The following ATP2C1 variants were observed in gnomAD, a reference collection of about 807,000 sequenced individuals.
The protein encoded by ATP2C1 is ATPase secretory pathway Ca2+ transporting 1, also known as calcium-transporting ATPase type 2C member 1.
ATP2C1 carries 31 observed loss-of-function variants against 120.5 expected under a neutral mutation model. The observed-to-expected ratio is 0.26, with a 90% CI of 0.19 to 0.35. The LOEUF is 0.35. Among genes scored for constraint, ATP2C1 ranks in the 10% least tolerant of loss-of-function variants. The pLI is 1.00. For missense variants in ATP2C1, 731 were observed against 1,107.5 expected, an observed-to-expected ratio of 0.66 and a Z score of 4.83; for synonymous variants, 351 against 358.7, an observed-to-expected ratio of 0.98 and a Z score of 0.24.
chr3:131,016,405 A>T (rs942268580), exon 27 of ATP2C1: 10 of 1,511,830 alleles, frequency 6.6e-6, no homozygotes, highest in Non-Finnish European at 9.2e-6. Context: ...CATTTTCTCC[A>T]CATATACTAC....
intron 20 of ATP2C1, among the ~76,000 whole-genome samples, chr3:130,982,087 C>T (rs1404625542): frequency 6.6e-6 from 1 of 152,136 alleles, no homozygotes; most frequent in East Asian, 1.9e-4. Flanking sequence ...TCAGAACTCC[C>T]TGCCTAACCC....
intron 8 of ATP2C1, among the ~76,000 whole-genome samples, chr3:130,951,290 T>C (rs1337347639): frequency 6.6e-6 from 1 of 152,192 alleles, no homozygotes; most frequent in Non-Finnish European, 1.5e-5. Context: ...GTTAAAGTCT[T>C]TCAACACTGG....
intron 17 of ATP2C1, among the ~76,000 whole-genome samples, chr3:130,972,814 A>G (rs1426332239): frequency 6.6e-6 from 1 of 151,880 alleles, no homozygotes; most frequent in African/African-American, 2.4e-5. Context: ...TTATGGCTGC[A>G]TAGTATTCCA....
At chr3:130,916,432 T>TA (rs1160523037) in intron 2 of ATP2C1, among the ~76,000 whole-genome samples, 1 of 151,520 alleles carries the variant, frequency 6.6e-6, no homozygotes, top group Admixed American at 6.6e-5. Context: ...TAAAAATAAA[T>TA]AAAAAAATAA....
In ATP2C1 at chr3:130,914,843, G is replaced by A. The variant is rs1197023096; in HGVS notation, c.7-15573G>A. Among the ~76,000 whole-genome samples, 3 of 152,110 alleles carry A rather than the reference G, an allele frequency of 2.0e-5. No homozygotes were observed. The East Asian group carries it at 5.8e-4, about 29-fold the overall frequency. On this transcript the variant is annotated intron_variant, in intron 2 of 27. Coordinates refer to ENST00000510168, the MANE Select transcript of ATP2C1 (RefSeq NM_001378687.1). The stretch of plus-strand genomic sequence containing the variant: ...ACATACCTTGAACATGAAAACATGG[G>A]GAACATAGATTTCAATAGAAGAAGC...
intron 2 of ATP2C1, among the ~76,000 whole-genome samples, chr3:130,921,770 A>T (rs2058978298): frequency 6.6e-6 from 1 of 152,182 alleles, no homozygotes; most frequent in Non-Finnish European, 1.5e-5. Flanking sequence ...ATGTTGAATC[A>T]TCCTTGCATC....
At chr3:130,980,438 T>C in intron 19 of ATP2C1, 144 bp from the exon 20 acceptor site, 2 of 665,212 alleles carry the variant, frequency 3.0e-6, no homozygotes, top group Non-Finnish European at 5.5e-6. Context: ...AACTCCAGAC[T>C]TAATACTGAT....
At chr3:130,939,198 T>G (rs2059793762) in intron 6 of ATP2C1, among the ~76,000 whole-genome samples, 3 of 152,224 alleles carry the variant, frequency 2.0e-5, no homozygotes, top group Admixed American at 1.3e-4. Context: ...ATCATAATGC[T>G]TTAATCAAAA....
chr3:131,000,374 C>T (rs1422814337), intron 27 of ATP2C1, among the ~76,000 whole-genome samples: 2 of 152,112 alleles, frequency 1.3e-5, no homozygotes, highest in African/African-American at 4.8e-5. Flanking sequence ...TCCATATTCA[C>T]ATTTCTTCCT....
chr3:130,867,296 G>GTCCCTCTCCCTCTCCCTC (rs59581010), intron 1 of ATP2C1, among the ~76,000 whole-genome samples: 26 of 134,946 alleles, frequency 1.9e-4, no homozygotes, highest in African/African-American at 4.8e-4. Context: ...AGAAATGATT[G>GTCCCTCTCCCTCTCCCTC]TCCCTCTCCC....
chr3:130,942,960 T>TG (rs943315313), intron 8 of ATP2C1, among the ~76,000 whole-genome samples: 1 of 152,238 alleles, frequency 6.6e-6, no homozygotes, highest in Non-Finnish European at 1.5e-5. Context: ...CTCTTCCAGT[T>TG]GAGAAGCAGA....
intron 24 of ATP2C1, 44 bp downstream of exon 24, chr3:130,996,840 G>T (rs1462094684): frequency 7.9e-7 from 1 of 1,260,998 alleles, no homozygotes; most frequent in Admixed American, 1.7e-5. Flanking sequence ...CAAGGAATGT[G>T]TACTACCCTG....
chr3:130,889,951 C>T (rs1443949475), upstream of ATP2C1, among the ~76,000 whole-genome samples: 18 of 152,222 alleles, frequency 1.2e-4, no homozygotes, highest in East Asian at 3.5e-3. Flanking sequence ...AACCCTTAAA[C>T]TTCTTAAAAA....
chr3:130,986,598 A>G (rs1342962233), intron 20 of ATP2C1, among the ~76,000 whole-genome samples: 1 of 152,350 alleles, frequency 6.6e-6, no homozygotes, highest in Non-Finnish European at 1.5e-5. Context: ...CTAAAACAAA[A>G]TAAGACCTAA....
intron 26 of ATP2C1, chr3:131,015,115 G>A: frequency 1.6e-6 from 1 of 632,996 alleles, no homozygotes; most frequent in East Asian, 2.8e-5. Flanking sequence ...AGTCTTATTT[G>A]TGTTAGCTCA....
chr3:130,976,927 G>A (rs1215697393), intron 18 of ATP2C1, among the ~76,000 whole-genome samples: 6 of 152,130 alleles, frequency 3.9e-5, no homozygotes, highest in South Asian at 2.1e-4. Context: ...ACATTGTACC[G>A]TCACTCCCTT....
intron 8 of ATP2C1, among the ~76,000 whole-genome samples, chr3:130,951,036 G>A (rs891014063): frequency 3.3e-5 from 5 of 151,926 alleles, no homozygotes; most frequent in Admixed American, 1.3e-4. Flanking sequence ...AATATTAGTG[G>A]GTCTCTTTCC....
intron 2 of ATP2C1, among the ~76,000 whole-genome samples, chr3:130,917,680 G>A (rs971985021): frequency 5.9e-5 from 9 of 152,138 alleles, no homozygotes; most frequent in Non-Finnish European, 1.2e-4. Flanking sequence ...AAGAGATCTA[G>A]CCTCTTAATG....
At chr3:130,877,965 A>AGGATGAGCTCATGTCCTTTGTAGGGACAT (rs1245249583) in intron 1 of ATP2C1, among the ~76,000 whole-genome samples, 1 of 152,172 alleles carries the variant, frequency 6.6e-6, no homozygotes, top group Non-Finnish European at 1.5e-5. Context: ...GCCATAAAAA[A>AGGATGAGCTCATGTCCTTTGTAGGGACAT]GGATGAGCTC....
Sources: allele counts gnomAD v4.1 joint callset (sites outside exome capture counted in the v4.1 genomes callset), GRCh38; gene constraint gnomAD v4.1.1; transcripts MANE v1.5; gene names NCBI Gene and HGNC (gene_info 2026-07-23, HGNC 2026-07-21).